Variants in KCNJ6 observed in about 807,000 individuals in gnomAD.
KCNJ6 encodes potassium inwardly rectifying channel subfamily J member 6, also known as G protein-activated inward rectifier potassium channel 2.
KCNJ6 carries 9 observed loss-of-function variants against 34.2 expected under a neutral mutation model. The observed-to-expected ratio is 0.26, with a 90% CI of 0.16 to 0.46. The LOEUF (loss-of-function observed/expected upper bound fraction) is 0.46, where lower values mean the gene tolerates loss of function less well. KCNJ6 is among the 20% of genes least tolerant of loss of function. The pLI, the probability that KCNJ6 is intolerant of heterozygous loss-of-function variation, is 1.00. For synonymous variants in KCNJ6, 196 were observed against 207.1 expected (o/e 0.95, Z 0.46); for missense variants, 236 against 531.3 (o/e 0.44, Z 5.46).
chr21:37,781,979 G>A (rs2055171523), intron 2 of KCNJ6, among the ~76,000 whole-genome samples: 1 of 152,232 alleles, frequency 6.6e-6, no homozygotes, highest in Non-Finnish European at 1.5e-5. Context: ...CATGGCAAAA[G>A]GGACGTTGCA....
At position 37,623,532 on chromosome 21, in the gene KCNJ6, C is replaced by G. The variant is rs926325204; in HGVS notation, c.*1627G>C. The G allele has an allele frequency of 6.6e-6, 1 of 152,146 alleles. No individual in the cohort carries two copies. Among genetic ancestry groups the G allele is most frequent in the Non-Finnish European group, 1.5e-5 (1 of 68,028 alleles). The allele number at this position is 152,146 out of a possible 1,614,324, so 9.4% of individuals were successfully genotyped here. A position where few individuals can be genotyped will look rare whatever the true frequency, so the allele number is the denominator to read the frequency against. The stretch of plus-strand genomic sequence containing the variant: ...AACAGTGCAAAATCTCCACCTGCCC[C>G]GGAGGTTTGATCTAAGATTTGTTTC... On this transcript the variant is annotated 3_prime_UTR_variant, in exon 4 of 4. Transcript: ENST00000609713.
Position 37,779,995 on chromosome 21 carries a change from G to A in KCNJ6, c.25+60663C>T, listed in dbSNP as rs376630851. Among the ~76,000 whole-genome samples, 21 of 152,276 alleles carry A rather than the reference G, an allele frequency of 1.4e-4. No homozygotes were observed. In the East Asian group the frequency reaches 3.1e-3, roughly 22 times the overall value. On this transcript the variant is annotated intron_variant, in intron 2 of 3. Coordinates refer to ENST00000609713, the MANE Select transcript of KCNJ6 (RefSeq NM_002240.5). Reference sequence around the variant, plus strand: ...GTGGGGTGGTGAGGCAGTAGGTGGTGTCCTTGACTGCCAACTTTTCCTTTG... The same window carrying A: ...GTGGGGTGGTGAGGCAGTAGGTGGTATCCTTGACTGCCAACTTTTCCTTTG...
intron 3 of KCNJ6, among the ~76,000 whole-genome samples, chr21:37,700,546 G>A (rs1309817713): frequency 6.6e-6 from 1 of 152,132 alleles, no homozygotes; most frequent in African/African-American, 2.4e-5. Context: ...AGTTTATTCT[G>A]ACAATGATGA....
intron 1 of KCNJ6, among the ~76,000 whole-genome samples, chr21:37,841,343 A>C (rs2055479812): frequency 6.6e-6 from 1 of 152,210 alleles, no homozygotes; most frequent in African/African-American, 2.4e-5. Context: ...GGAGCTATTA[A>C]GAATACTGGT....
chr21:37,626,094 G>C (rs1006105853), intron 3 of KCNJ6, among the ~76,000 whole-genome samples: 3 of 151,420 alleles, frequency 2.0e-5, no homozygotes, highest in Admixed American at 6.6e-5. Context: ...TGCTCAGACT[G>C]TGCAATCATA....
intron 1 of KCNJ6, among the ~76,000 whole-genome samples, chr21:37,849,663 C>T (rs1384942990): frequency 6.6e-6 from 1 of 152,180 alleles, no homozygotes; most frequent in East Asian, 1.9e-4. Context: ...GCCCGACAAG[C>T]CCCTTTGGTC....
chr21:37,879,763 GAGAGAGAGAGAC>G (rs1330301948), intron 1 of KCNJ6, among the ~76,000 whole-genome samples: 3 of 151,492 alleles, frequency 2.0e-5, no homozygotes, highest in East Asian at 3.9e-4. Context: ...GTGTGACAGA[GAGAGAGAGAGAC>G]AGAGAGAGAG....
chr21:37,765,827 G>T (rs912195398), intron 2 of KCNJ6, among the ~76,000 whole-genome samples: 1 of 152,080 alleles, frequency 6.6e-6, no homozygotes, highest in African/African-American at 2.4e-5. Context: ...TACTTGCATG[G>T]CAACTATCCT....
intron 2 of KCNJ6, among the ~76,000 whole-genome samples, chr21:37,748,649 T>A (rs2054979458): frequency 6.6e-6 from 1 of 152,236 alleles, no homozygotes; most frequent in Non-Finnish European, 1.5e-5. Context: ...AGTAACTGCC[T>A]GGGTCTTCCG....
rs2055894613 is a variant in KCNJ6, at chr21:37,916,370, C to G, written c.-514G>C. The G allele has an allele frequency of 6.6e-6, 1 of 152,300 alleles. No homozygotes were observed. The highest frequency in any genetic ancestry group is 6.5e-5 in the Admixed American group (1 of 15,304). 9.4% of individuals were successfully genotyped at this position (152,300 alleles called of 1,614,324 possible). ...CCACGCAGAGAGACGTCATGAAATC[C>G]GCAGATTCAATGAATGCTACTCAAT... On this transcript the variant is annotated 5_prime_UTR_variant, in exon 1 of 4. Coordinates refer to ENST00000609713, the MANE Select transcript of KCNJ6 (RefSeq NM_002240.5).
At chr21:37,794,081 CTGTGTA>C (rs2055229896) in intron 2 of KCNJ6, among the ~76,000 whole-genome samples, 2 of 152,170 alleles carry the variant, frequency 1.3e-5, no homozygotes, top group South Asian at 4.1e-4. Context: ...GTGTGTGTGT[CTGTGTA>C]TGTGTATGGA....
chr21:37,774,556 T>C (rs1386124008), intron 2 of KCNJ6, among the ~76,000 whole-genome samples: 2 of 147,526 alleles, frequency 1.4e-5, no homozygotes, highest in South Asian at 2.3e-4. Flanking sequence ...TGTGTCCATG[T>C]GTTCTCATTG....
At chr21:37,652,567 G>A (rs4817880) in intron 3 of KCNJ6, among the ~76,000 whole-genome samples, 21,460 of 152,018 alleles carry the variant, frequency 0.14, 2,293 homozygotes, top group African/African-American at 0.29. Context: ...GGAAGAGAGA[G>A]GTCAAATATT....
intron 3 of KCNJ6, among the ~76,000 whole-genome samples, chr21:37,712,186 T>TC (rs2054756436): frequency 6.6e-6 from 1 of 152,170 alleles, no homozygotes; most frequent in Admixed American, 6.5e-5. Flanking sequence ...CTAGCATCAG[T>TC]AACCAGAGGG....
At chr21:37,767,765 GGTTT>G (rs1365973731) in intron 2 of KCNJ6, among the ~76,000 whole-genome samples, 2 of 152,172 alleles carry the variant, frequency 1.3e-5, no homozygotes, top group African/African-American at 2.4e-5. Context: ...ATGGGCAAAA[GGTTT>G]GTTTTTTTCT....
At chr21:37,764,735 G>A (rs2055082781) in intron 2 of KCNJ6, among the ~76,000 whole-genome samples, 1 of 152,228 alleles carries the variant, frequency 6.6e-6, no homozygotes, top group African/African-American at 2.4e-5. Context: ...TCTGCAGTCA[G>A]TTGTATTTTT....
chr21:37,880,100 C>A (rs199645846), intron 1 of KCNJ6, among the ~76,000 whole-genome samples: 51 of 145,566 alleles, frequency 3.5e-4, no homozygotes, highest in South Asian at 4.4e-4. Flanking sequence ...TCTAAAAATA[C>A]AAAAAAAAAA....
At chr21:37,747,193 G>T (rs1362423562) in intron 2 of KCNJ6, among the ~76,000 whole-genome samples, 1 of 152,190 alleles carries the variant, frequency 6.6e-6, no homozygotes, top group Non-Finnish European at 1.5e-5. Flanking sequence ...ACTGAGAAAT[G>T]ATCTGTTTTT....
chr21:37,817,485 A>G (rs1272979276), intron 2 of KCNJ6, among the ~76,000 whole-genome samples: 2 of 152,236 alleles, frequency 1.3e-5, no homozygotes, highest in Non-Finnish European at 2.9e-5. Context: ...ACTTTCCTGA[A>G]GTCACACAGA....
Sources: allele counts gnomAD v4.1 joint callset (sites outside exome capture counted in the v4.1 genomes callset), GRCh38; gene constraint gnomAD v4.1.1; transcripts MANE v1.5; gene names NCBI Gene and HGNC (gene_info 2026-07-23, HGNC 2026-07-21).